ZNF207: variants seen among roughly 807,000 people sequenced by gnomAD.
ZNF207 encodes the protein zinc finger protein 207, also known as BUB3-interacting and GLEBS motif-containing protein ZNF207.
Under a neutral mutation model 60.2 loss-of-function variants are expected in ZNF207, and 24 were observed. That is an observed-to-expected ratio of 0.40 (90% CI 0.29 to 0.56). ZNF207 has a LOEUF of 0.56. ZNF207 is among the 20% of genes least tolerant of loss of function. The pLI is 0.49. For synonymous variants in ZNF207, 236 were observed against 194.7 expected, an observed-to-expected ratio of 1.21 and a Z score of -1.77; for missense variants, 452 against 636.6, an observed-to-expected ratio of 0.71 and a Z score of 3.12.
chr17:32,364,191 C>T lies in ZNF207; in HGVS notation c.671-1139C>T, dbSNP rs1021500532. Among the ~76,000 whole-genome samples, 10 of 151,568 alleles carry T rather than the reference C, an allele frequency of 6.6e-5. 1 individual carries two copies. In the South Asian group the frequency reaches 8.3e-4, roughly 13 times the overall value. On this transcript the variant is annotated intron_variant, in intron 7 of 11. Coordinates refer to ENST00000394670, the MANE Select transcript of ZNF207 (RefSeq NM_001098507.2). ...GGCCTCCTTTTTCTTCTATTTGGAA[C>T]CAAAATAACTTTCCCAGAAGCTCTT...
chr17:32,351,673 T>A, intron 1 of ZNF207, 113 bp from the exon 2 acceptor site: 1 of 1,599,934 alleles, frequency 6.3e-7, no homozygotes, highest in Non-Finnish European at 8.5e-7. Context: ...GCAGAGTTTC[T>A]ATACAGTACC....
At chr17:32,358,733 GAGT>G in intron 3 of ZNF207, 92 bp downstream of exon 3, 13 of 1,013,690 alleles carry the variant, frequency 1.3e-5, no homozygotes, top group African/African-American at 1.7e-5. Flanking sequence ...GCCGAGGCTG[GAGT>G]ACAGTGGTGT....
In ZNF207 at chr17:32,366,696, C is replaced by T; in HGVS notation, c.860C>T (p.Ala287Val). ...MGTPVTSSST[A>V]SSNSESLSAS... ...ACACCTGTCACAAGCTCAAGTACAG[C>T]TTCATCCAATTCAGAAAGTCTGTCT... The change falls in exon 9 of 12, where the codon GCT (alanine) becomes GTT (valine). Residue 287 changes from alanine (A) to valine (V), a missense_variant. By Grantham distance (64) the Ala-to-Val change is moderately conservative. Around this residue, in one of 2 missense-constraint regions of ZNF207, gnomAD observed 390 missense variants for 461.4 expected, o/e 0.85. Transcript: ENST00000394670. The T allele has an allele frequency of 6.2e-7, 1 of 1,611,572 alleles. No homozygotes were observed. Among genetic ancestry groups the T allele is most frequent in the Non-Finnish European group, 8.5e-7 (1 of 1,179,200 alleles).
chr17:32,358,680 T>G (rs768207823), intron 3 of ZNF207, 39 bp downstream of exon 3: 1 of 1,346,606 alleles, frequency 7.4e-7, no homozygotes, highest in South Asian at 2.3e-5. Context: ...TTATTTATTT[T>G]TTTTAATTTT....
intron 9 of ZNF207, 102 bp downstream of exon 9, chr17:32,366,859 T>C: frequency 9.0e-7 from 1 of 1,105,710 alleles, no homozygotes; most frequent in South Asian, 1.9e-5. Context: ...TATACTGTGT[T>C]TACTTTTTTA....
At chr17:32,366,540 G>A (rs889781319) in intron 8 of ZNF207, 125 bp from the exon 9 acceptor site, 180 of 588,292 alleles carry the variant, frequency 3.1e-4, no homozygotes, top group Middle Eastern at 5.7e-4. Context: ...TTTAAAATAA[G>A]TGACATTTGA....
At chr17:32,361,661 C>T (rs1904887244) in intron 6 of ZNF207, 146 bp downstream of exon 6, 1 of 609,182 alleles carries the variant, frequency 1.6e-6, no homozygotes, top group Non-Finnish European at 2.7e-6. Context: ...ACACAGGTCT[C>T]TTAAAGAAGG....
In ZNF207 at chr17:32,377,728, A is replaced by AT. The variant is rs1375193498; in HGVS notation, c.*7973dup. On this transcript the variant is annotated 3_prime_UTR_variant, in exon 12 of 12. Transcript: ENST00000394670. ...AGTAAAATTGAGATGTGTCCAAGAG[A>AT]TTTTCAATGTTAATTAGCTCATTCT... 5 of 151,618 alleles carry AT rather than the reference A, an allele frequency of 3.3e-5. No individual in the cohort carries two copies. The highest frequency in any genetic ancestry group is 6.6e-5 in the Admixed American group (1 of 15,200). 9.4% of individuals were successfully genotyped at this position (151,618 alleles called of 1,614,324 possible).
rs1243176358 is a variant in ZNF207 at position 32,380,548 on chromosome 17, T to G, written c.*10789T>G. The stretch of plus-strand genomic sequence containing the variant: ...TTTCAGTTTATTTAAGTCTTCTGTT[T>G]TTCAGCTCCAGTTAAAACTGACAAT... On this transcript the variant is annotated 3_prime_UTR_variant, in exon 12 of 12. Coordinates refer to ENST00000394670, the MANE Select transcript of ZNF207 (RefSeq NM_001098507.2). 6.6e-6 allele frequency: 1 copy of G among 152,224 alleles called. No individual in the cohort carries two copies. The highest frequency in any genetic ancestry group is 1.5e-5 in the Non-Finnish European group (1 of 68,036). The allele number at this position is 152,224 out of a possible 1,614,324, so 9.4% of individuals were successfully genotyped here. A position where few individuals can be genotyped will look rare whatever the true frequency, so the allele number is the denominator to read the frequency against.
At chr17:32,354,337 T>G (rs534239029) in intron 2 of ZNF207, among the ~76,000 whole-genome samples, 1 of 151,878 alleles carries the variant, frequency 6.6e-6, no homozygotes, top group East Asian at 1.9e-4. Context: ...CTCTGTCAGT[T>G]TTTTTTTTGT....
chr17:32,363,777 T>A (rs1390275140), intron 7 of ZNF207, among the ~76,000 whole-genome samples: 1 of 151,704 alleles, frequency 6.6e-6, no homozygotes, highest in East Asian at 2.0e-4. Context: ...GTTATCCGCC[T>A]GCCTTGGCCT....
rs1905446925 is a variant in ZNF207 at position 32,371,147 on chromosome 17, G to T, written c.*1388G>T. 1 of 151,936 alleles carries T rather than the reference G, an allele frequency of 6.6e-6. No homozygotes were observed. Among genetic ancestry groups the T allele is most frequent in the Non-Finnish European group, 1.5e-5 (1 of 67,980 alleles). 9.4% of individuals were successfully genotyped at this position (151,936 alleles called of 1,614,324 possible). ...GATCTGTTTTTCTGATCTTTTGCAG[G>T]GTAGTTTTATGATTTTTTAGGCATC... On this transcript the variant is annotated 3_prime_UTR_variant, in exon 12 of 12. Coordinates refer to ENST00000394670, the MANE Select transcript of ZNF207 (RefSeq NM_001098507.2).
chr17:32,381,250 AG>A lies in ZNF207; in HGVS notation c.*11492del, dbSNP rs1905874351. 2.0e-5 allele frequency: 3 copies of A among 152,236 alleles called. No individual in the cohort carries two copies. The highest frequency in any genetic ancestry group is 2.0e-4 in the Admixed American group (3 of 15,288). 9.4% of individuals were successfully genotyped at this position (152,236 alleles called of 1,614,324 possible). A position where few individuals can be genotyped will look rare whatever the true frequency, so the allele number is the denominator to read the frequency against. ...TTTACTGGCAAGGGATTATGTGAAGAGTAAGTCATACAAGGGATATGATTGT... is the reference window on the plus strand; with the variant it reads ...TTTACTGGCAAGGGATTATGTGAAGATAAGTCATACAAGGGATATGATTGT... On this transcript the variant is annotated 3_prime_UTR_variant, in exon 12 of 12. Coordinates refer to ENST00000394670, the MANE Select transcript of ZNF207 (RefSeq NM_001098507.2).
chr17:32,363,529 C>CT (rs746944466), intron 7 of ZNF207, among the ~76,000 whole-genome samples: 1,061 of 69,520 alleles, frequency 0.015, 223 homozygotes, highest in East Asian at 0.024. Context: ...ATCCAACAAA[C>CT]TTTTTTTTTT....
At chr17:32,351,954 G>T in intron 2 of ZNF207, 42 bp downstream of exon 2, 1 of 1,474,258 alleles carries the variant, frequency 6.8e-7, no homozygotes, top group East Asian at 2.4e-5. Flanking sequence ...CTTGTGATTT[G>T]GAAACAACTT....
chr17:32,369,239 T>A lies in ZNF207; in HGVS notation c.1165-56T>A, dbSNP rs186655415. 4.4e-3 allele frequency: 6,970 copies of A among 1,583,572 alleles called. 17 individuals are homozygous for A. The highest frequency in any genetic ancestry group is 5.8e-3 in the Middle Eastern group (28 of 4,858). On this transcript the variant is annotated intron_variant, in intron 10 of 11. Coordinates refer to ENST00000394670, the MANE Select transcript of ZNF207 (RefSeq NM_001098507.2). ...GTAAGATTTTAGATGCATGCCTTTA[T>A]GCTTGGTGAGCCTCTGCATTCGAGT...
At position 32,371,664 on chromosome 17, in the gene ZNF207, T is replaced by G. The variant is rs1331218539; in HGVS notation, c.*1905T>G. The G allele has an allele frequency of 1.3e-5, 2 of 152,130 alleles. No homozygotes were observed. Among genetic ancestry groups the G allele is most frequent in the Admixed American group, 6.5e-5 (1 of 15,272 alleles). The allele number at this position is 152,130 out of a possible 1,614,324, so 9.4% of individuals were successfully genotyped here. A position where few individuals can be genotyped will look rare whatever the true frequency, so the allele number is the denominator to read the frequency against. ...CTCAAGAGGCTGAGGAAGGAGGTTC[T>G]TCCTCCTTCCGAGGCTGCGGTGAGC... On this transcript the variant is annotated 3_prime_UTR_variant, in exon 12 of 12. Coordinates refer to ENST00000394670, the MANE Select transcript of ZNF207 (RefSeq NM_001098507.2).
intron 8 of ZNF207, among the ~76,000 whole-genome samples, chr17:32,365,965 A>G (rs1009221664): frequency 2.6e-5 from 4 of 152,070 alleles, no homozygotes; most frequent in African/African-American, 9.7e-5. Context: ...ACCTAGGCAC[A>G]CTGGTATTTC....
intron 6 of ZNF207, 130 bp downstream of exon 6, chr17:32,361,645 T>G: frequency 5.6e-6 from 4 of 708,260 alleles, no homozygotes; most frequent in Non-Finnish European, 8.8e-6. Flanking sequence ...ACTTGCAAGC[T>G]AATTAACACA....
Sources: allele counts gnomAD v4.1 joint callset (sites outside exome capture counted in the v4.1 genomes callset), GRCh38; gene constraint gnomAD v4.1.1; regional missense constraint gnomAD v4.1.1; transcripts MANE v1.5; gene names NCBI Gene and HGNC (gene_info 2026-07-23, HGNC 2026-07-21).